LPAR3: variants seen among roughly 807,000 people sequenced by gnomAD.
LPAR3 encodes lysophosphatidic acid receptor 3.
In LPAR3, 7 loss-of-function variants were observed where a neutral mutation model predicts 17.8. That is an observed-to-expected ratio of 0.39 (90% CI 0.22 to 0.74). The LOEUF (loss-of-function observed/expected upper bound fraction) is 0.74. Ranked by LOEUF, LPAR3 falls within the 30% of genes least tolerant of loss-of-function variation. The probability of loss-of-function intolerance (pLI) is 0.40; values close to 1 mark genes in which losing one functional copy is unlikely to be tolerated. For synonymous variants in LPAR3, 179 were observed against 179.9 expected, an observed-to-expected ratio of 0.99 and a Z score of 0.04; for missense variants, 391 against 453.4, an observed-to-expected ratio of 0.86 and a Z score of 1.25.
intron 2 of LPAR3, among the ~76,000 whole-genome samples, chr1:84,863,065 T>A (rs1168007426): frequency 6.6e-6 from 1 of 151,988 alleles, no homozygotes; most frequent in African/African-American, 2.4e-5. Context: ...TCCTCCCTTT[T>A]TTTTTTTTTG....
At chr1:84,888,298 C>T (rs532479817) in intron 1 of LPAR3, among the ~76,000 whole-genome samples, 9 of 152,168 alleles carry the variant, frequency 5.9e-5, no homozygotes, top group Admixed American at 5.2e-4. Context: ...CTTCACCAGA[C>T]CCATGTGATA....
chr1:84,839,888 G>A (rs2102753983), intron 2 of LPAR3, among the ~76,000 whole-genome samples: 1 of 152,236 alleles, frequency 6.6e-6, no homozygotes, highest in South Asian at 2.1e-4. Context: ...AATATCCATA[G>A]AGTGCTTATT....
At chr1:84,815,118 T>C (rs1658907395) in intron 2 of LPAR3, among the ~76,000 whole-genome samples, 1 of 152,184 alleles carries the variant, frequency 6.6e-6, no homozygotes, top group South Asian at 2.1e-4. Flanking sequence ...GACATTGGCA[T>C]TATTATTATC....
chr1:84,890,808 G>A (rs536673356), intron 1 of LPAR3, among the ~76,000 whole-genome samples: 2 of 152,290 alleles, frequency 1.3e-5, no homozygotes, highest in African/African-American at 4.8e-5. Flanking sequence ...AATAAGAGGC[G>A]GGTCTTAAGT....
intron 2 of LPAR3, among the ~76,000 whole-genome samples, chr1:84,853,107 G>GA (rs34146882): frequency 2.1e-5 from 3 of 141,526 alleles, no homozygotes; most frequent in African/African-American, 5.2e-5. Flanking sequence ...GAAAAGAAAA[G>GA]AAAAAAAAAA....
chr1:84,857,455 T>C (rs1659850552), intron 2 of LPAR3, among the ~76,000 whole-genome samples: 1 of 152,136 alleles, frequency 6.6e-6, no homozygotes. Context: ...AAAGCTAGGA[T>C]TTAAATCCAG....
At chr1:84,848,184 T>C (rs1191802712) in intron 2 of LPAR3, among the ~76,000 whole-genome samples, 3 of 152,214 alleles carry the variant, frequency 2.0e-5, no homozygotes, top group Admixed American at 2.0e-4. Context: ...AGAGCTCAGA[T>C]AGTGGCTGTT....
intron 1 of LPAR3, among the ~76,000 whole-genome samples, chr1:84,882,550 C>G (rs1660384407): frequency 6.6e-6 from 1 of 152,122 alleles, no homozygotes; most frequent in South Asian, 2.1e-4. Flanking sequence ...GAAAGAAGAA[C>G]AAAGCTGGAG....
chr1:84,832,957 T>C (rs1659317531), intron 2 of LPAR3, among the ~76,000 whole-genome samples: 1 of 152,236 alleles, frequency 6.6e-6, no homozygotes, highest in African/African-American at 2.4e-5. Flanking sequence ...AGTCAAAATG[T>C]GTAAACAAAA....
intron 1 of LPAR3, among the ~76,000 whole-genome samples, chr1:84,884,313 G>A (rs1184369272): frequency 6.6e-6 from 1 of 152,156 alleles, no homozygotes; most frequent in South Asian, 2.1e-4. Flanking sequence ...CAAGACTGCT[G>A]GTGAGTATAC....
intron 2 of LPAR3, among the ~76,000 whole-genome samples, chr1:84,849,549 G>A (rs1419670155): frequency 6.6e-6 from 1 of 151,994 alleles, no homozygotes; most frequent in Non-Finnish European, 1.5e-5. Context: ...ATAGAGAGCA[G>A]GAACACTGTC....
intron 2 of LPAR3, among the ~76,000 whole-genome samples, chr1:84,841,237 T>A (rs2102754615): frequency 6.6e-6 from 1 of 152,324 alleles, no homozygotes; most frequent in East Asian, 1.9e-4. Context: ...AAATCCTACT[T>A]AAAACACAGC....
At chr1:84,854,548 G>A (rs536503078) in intron 2 of LPAR3, among the ~76,000 whole-genome samples, 15 of 152,260 alleles carry the variant, frequency 9.9e-5, no homozygotes, top group African/African-American at 3.6e-4. Context: ...TGACACAACC[G>A]TTGACTCATA....
intron 2 of LPAR3, among the ~76,000 whole-genome samples, chr1:84,828,659 T>G (rs1659215822): frequency 6.6e-6 from 1 of 152,186 alleles, no homozygotes; most frequent in Admixed American, 6.5e-5. Flanking sequence ...TCCTTGGCTG[T>G]CCCATGGCCA....
At chr1:84,815,644 T>C (rs2102742870) in intron 2 of LPAR3, among the ~76,000 whole-genome samples, 1 of 152,238 alleles carries the variant, frequency 6.6e-6, no homozygotes, top group Non-Finnish European at 1.5e-5. Context: ...TGACCCGAAT[T>C]ATGGGAATTA....
At chr1:84,880,244 T>G (rs1437993613) in intron 1 of LPAR3, among the ~76,000 whole-genome samples, 44 of 152,308 alleles carry the variant, frequency 2.9e-4, no homozygotes, top group Non-Finnish European at 1.5e-5. Flanking sequence ...GCAGGAGAAC[T>G]GCTTGAACAG....
At position 84,893,177 on chromosome 1, in the gene LPAR3, C is replaced by G. The variant is rs951126820; in HGVS notation, c.-180G>C. On this transcript the variant is annotated 5_prime_UTR_variant, in exon 1 of 3. Transcript: ENST00000370611. ...GGCGGGCGGAGCGCCTCCTCTCCAGCGACCCCTGCGACGCGTCCAGAGCCA... is the reference window on the plus strand; with the variant it reads ...GGCGGGCGGAGCGCCTCCTCTCCAGGGACCCCTGCGACGCGTCCAGAGCCA... 6.6e-6 allele frequency: 1 copy of G among 152,116 alleles called. No homozygotes were observed. The highest frequency in any genetic ancestry group is 1.5e-5 in the Non-Finnish European group (1 of 68,004). 9.4% of individuals were successfully genotyped at this position (152,116 alleles called of 1,614,324 possible). A position where few individuals can be genotyped will look rare whatever the true frequency, so the allele number is the denominator to read the frequency against.
intron 2 of LPAR3, among the ~76,000 whole-genome samples, chr1:84,854,887 A>G (rs1659788584): frequency 6.6e-6 from 1 of 152,218 alleles, no homozygotes; most frequent in Admixed American, 6.5e-5. Context: ...CCAGAGCTGC[A>G]GCCACAATGC....
rs1278574720 is a variant in LPAR3, at chr1:84,891,264, CAAAG to C, written c.-19+1748_-19+1751del. Reference sequence around the variant, plus strand: ...ACCTCAAAGTTTCAAATTCTAAAGACAAAGAAAAAATTTTTGCCAAAATGACCTA... The same window carrying C: ...ACCTCAAAGTTTCAAATTCTAAAGACAAAAAATTTTTGCCAAAATGACCTA... On this transcript the variant is annotated intron_variant, in intron 1 of 2. Coordinates refer to ENST00000370611, the MANE Select transcript of LPAR3 (RefSeq NM_012152.3). Among the ~76,000 whole-genome samples, 3 of 151,824 alleles carry C rather than the reference CAAAG, an allele frequency of 2.0e-5. No individual in the cohort carries two copies. In the East Asian group the frequency reaches 5.8e-4, roughly 29 times the overall value.
Sources: gnomAD v4.1 joint callset for allele counts (sites outside exome capture counted in the v4.1 genomes callset) on GRCh38, gnomAD v4.1.1 for gene constraint, MANE v1.5 for transcripts, NCBI Gene and HGNC (gene_info 2026-07-23, HGNC 2026-07-21) for gene names.